Variants in GRM7 observed in about 807,000 individuals in gnomAD.
GRM7 encodes the protein metabotropic glutamate receptor 7.
In GRM7, 35 loss-of-function variants were observed where a neutral mutation model predicts 84.5. The ratio of observed to expected loss-of-function variants is 0.41; its 90% CI spans 0.32 to 0.55. The LOEUF is 0.55. GRM7 is among the 20% of genes least tolerant of loss of function. GRM7 has a pLI of 0.19. For missense variants in GRM7, 1,003 were observed against 1,194.6 expected (o/e 0.84, Z 2.36); for synonymous variants, 487 against 455.1 (o/e 1.07, Z -0.89).
chr3:7,030,915 G>A (rs553200906), intron 1 of GRM7, among the ~76,000 whole-genome samples: 1 of 152,154 alleles, frequency 6.6e-6, no homozygotes, highest in African/African-American at 2.4e-5. Context: ...CTCTTGAAGT[G>A]TAATGTTAAA....
chr3:6,873,718 T>C (rs1695207046), intron 1 of GRM7, among the ~76,000 whole-genome samples: 1 of 152,206 alleles, frequency 6.6e-6, no homozygotes, highest in Non-Finnish European at 1.5e-5. Flanking sequence ...CTAACTCCAG[T>C]TCCTGTCATG....
intron 3 of GRM7, among the ~76,000 whole-genome samples, chr3:7,305,820 G>A (rs891189421): frequency 2.0e-5 from 3 of 152,006 alleles, no homozygotes; most frequent in African/African-American, 7.2e-5. Context: ...ACCCACCAAA[G>A]GGGCTTCAGT....
intron 1 of GRM7, among the ~76,000 whole-genome samples, chr3:6,961,800 G>A (rs866256768): frequency 1.3e-5 from 2 of 152,086 alleles, no homozygotes; most frequent in Admixed American, 1.3e-4. Context: ...TCCCACTGGA[G>A]CCCTGTCCTC....
Position 7,064,385 on chromosome 3 carries a change from G to A in GRM7, c.520-82067G>A, listed in dbSNP as rs151051164. Among the ~76,000 whole-genome samples the A allele has an allele frequency of 4.0e-3, 587 of 148,122 alleles. 2 individuals are homozygous for A. The highest frequency in any genetic ancestry group is 0.014 in the African/African-American group (560 of 40,554). On this transcript the variant is annotated intron_variant, in intron 1 of 9. Transcript: ENST00000357716. ...TCACTTGGAATAATAGTCTCCAATC[G>A]CATCCAGGTCGCTGCAAATGCTGTT... is the stretch of plus-strand genomic sequence containing the variant.
At chr3:7,175,597 G>C (rs1490785045) in intron 2 of GRM7, among the ~76,000 whole-genome samples, 1 of 152,166 alleles carries the variant, frequency 6.6e-6, no homozygotes. Flanking sequence ...GAGTGCAGTG[G>C]TGTGATCTCG....
rs71043686 is a variant in GRM7 at position 7,661,794 on chromosome 3, CAAAAAA to C, written c.2452-18234_2452-18229del. Reference sequence around the variant, plus strand: ...GGGCCACAGAGCGAGGTCTCCGTCTCAAAAAAAAAAAAAAAAAAAAAAAAAATGTAA... The same window carrying C: ...GGGCCACAGAGCGAGGTCTCCGTCTCAAAAAAAAAAAAAAAAAAAATGTAA... On this transcript the variant is annotated intron_variant, in intron 8 of 9. Coordinates refer to ENST00000357716, the MANE Select transcript of GRM7 (RefSeq NM_000844.4). 6.0e-4 allele frequency among the ~76,000 whole-genome samples: 17 copies of C among 28,202 alleles called. 1 individual carries two copies. Among genetic ancestry groups the C allele is most frequent in the East Asian group, 3.7e-3 (2 of 546 alleles). 18.5% of individuals were successfully genotyped at this position (28,202 alleles called of 152,430 possible).
At chr3:6,881,800 G>C (rs1032395996) in intron 1 of GRM7, among the ~76,000 whole-genome samples, 7 of 152,134 alleles carry the variant, frequency 4.6e-5, no homozygotes, top group African/African-American at 1.7e-4. Context: ...CAGATGCATA[G>C]ACATGGGGAA....
intron 3 of GRM7, among the ~76,000 whole-genome samples, chr3:7,304,347 C>A (rs1217496518): frequency 9.6e-6 from 1 of 104,486 alleles, no homozygotes. Flanking sequence ...TTAATAATAT[C>A]ATTTCTTTTT....
chr3:7,448,018 C>T (rs956881142), intron 5 of GRM7, among the ~76,000 whole-genome samples: 6 of 149,998 alleles, frequency 4.0e-5, no homozygotes, highest in African/African-American at 7.4e-5. Flanking sequence ...TTTGTCCTTG[C>T]GATAGTTTAC....
At chr3:6,989,263 T>C (rs1694544528) in intron 1 of GRM7, among the ~76,000 whole-genome samples, 1 of 152,224 alleles carries the variant, frequency 6.6e-6, no homozygotes, top group South Asian at 2.1e-4. Flanking sequence ...ATATATTTTA[T>C]GTATGTCAAC....
In GRM7 at chr3:7,075,505, T is replaced by C. The variant is rs1273127237; in HGVS notation, c.520-70947T>C. On this transcript the variant is annotated intron_variant, in intron 1 of 9. Transcript: ENST00000357716. ...ACTTCTTGCTTCTCAGATGTGTGTG[T>C]GTGTGTGTGTGTGTGTGTGTGTGTG... Among the ~76,000 whole-genome samples, 872 of 92,446 alleles carry C rather than the reference T, an allele frequency of 9.4e-3. 15 individuals carry two copies. The highest frequency in any genetic ancestry group is 0.026 in the African/African-American group (827 of 32,228). 60.6% of individuals were successfully genotyped at this position (92,446 alleles called of 152,430 possible).
At chr3:7,691,602 T>A (rs1041947095) in intron 9 of GRM7, among the ~76,000 whole-genome samples, 2 of 152,194 alleles carry the variant, frequency 1.3e-5, no homozygotes, top group Admixed American at 1.3e-4. Flanking sequence ...ACTGTGCATA[T>A]GTCAGGGTAC....
chr3:6,896,732 C>A (rs1696195726), intron 1 of GRM7, among the ~76,000 whole-genome samples: 2 of 151,530 alleles, frequency 1.3e-5, no homozygotes, highest in South Asian at 4.2e-4. Flanking sequence ...CCTTTGTGTG[C>A]AGGCTGAAGA....
At chr3:7,293,529 A>G (rs1459144235) in intron 2 of GRM7, among the ~76,000 whole-genome samples, 1 of 152,146 alleles carries the variant, frequency 6.6e-6, no homozygotes, top group African/African-American at 2.4e-5. Flanking sequence ...CACATTTACG[A>G]TGAGACTTTC....
chr3:7,072,955 A>C (rs779606919), intron 1 of GRM7, among the ~76,000 whole-genome samples: 1 of 152,140 alleles, frequency 6.6e-6, no homozygotes, highest in Non-Finnish European at 1.5e-5. Flanking sequence ...ATGCTGTCTT[A>C]TTGCTTTTGT....
chr3:7,569,763 CTGTA>C (rs1694546090), intron 7 of GRM7, among the ~76,000 whole-genome samples: 1 of 152,112 alleles, frequency 6.6e-6, no homozygotes, highest in Non-Finnish European at 1.5e-5. Context: ...ACCTTAAGAG[CTGTA>C]ACACTCACCG....
intron 4 of GRM7, among the ~76,000 whole-genome samples, chr3:7,348,097 C>T (rs964346449): frequency 6.6e-6 from 1 of 152,116 alleles, no homozygotes; most frequent in Non-Finnish European, 1.5e-5. Context: ...GTAATGGACT[C>T]CTTCCGTGTC....
chr3:7,111,961 A>C (rs1417201400), intron 1 of GRM7, among the ~76,000 whole-genome samples: 1 of 152,092 alleles, frequency 6.6e-6, no homozygotes, highest in Non-Finnish European at 1.5e-5. Flanking sequence ...GAGATTGACT[A>C]TCTATGAAAA....
intron 1 of GRM7, among the ~76,000 whole-genome samples, chr3:7,126,191 C>T (rs1326615914): frequency 2.0e-5 from 3 of 152,142 alleles, no homozygotes; most frequent in Non-Finnish European, 4.4e-5. Flanking sequence ...TGCCTAGGGC[C>T]TTAAGTGAAC....
Sources: gnomAD v4.1 joint callset for allele counts (sites outside exome capture counted in the v4.1 genomes callset) on GRCh38, gnomAD v4.1.1 for gene constraint, MANE v1.5 for transcripts, NCBI Gene and HGNC (gene_info 2026-07-23, HGNC 2026-07-21) for gene names.